Variants in ANK2 observed in about 807,000 individuals in gnomAD.
ANK2 encodes the protein ankyrin 2.
In ANK2, 83 loss-of-function variants were observed where a neutral mutation model predicts 360.5. That is an observed-to-expected ratio of 0.23 (90% CI 0.19 to 0.28). ANK2 has a LOEUF of 0.28. ANK2 is among the 10% of genes least tolerant of loss of function. ANK2 has a pLI of 1.00. For missense variants in ANK2, 4,201 were observed against 4,795.7 expected (o/e 0.88, Z 3.66); for synonymous variants, 1,740 against 1,759.5 (o/e 0.99, Z 0.28).
At chr4:112,750,108 C>T in the ANK2 span, among the ~76,000 whole-genome samples, 1 of 152,042 alleles carries the variant, frequency 6.6e-6, no homozygotes, top group South Asian at 2.1e-4. Flanking sequence ...GACAGGGTCT[C>T]TGCTGTCAGG....
chr4:113,300,234 C>G (rs1441386244), intron 22 of ANK2, among the ~76,000 whole-genome samples: 1 of 152,096 alleles, frequency 6.6e-6, no homozygotes, highest in African/African-American at 2.4e-5. Context: ...ATTTAAATAT[C>G]ACTAGAAATA....
intron 4 of ANK2, among the ~76,000 whole-genome samples, chr4:113,228,923 G>T (rs1009498509): frequency 6.6e-6 from 1 of 152,156 alleles, no homozygotes; most frequent in Non-Finnish European, 1.5e-5. Context: ...ATCCTGGAAT[G>T]CTTGGAGTTG....
At chr4:113,285,101 G>C (rs2063879899) in intron 18 of ANK2, among the ~76,000 whole-genome samples, 1 of 151,484 alleles carries the variant, frequency 6.6e-6, no homozygotes, top group East Asian at 1.9e-4. Flanking sequence ...TTTTTGAAAA[G>C]AACTTCAACA....
At chr4:112,775,794 A>G in the ANK2 span, among the ~76,000 whole-genome samples, 2 of 152,164 alleles carry the variant, frequency 1.3e-5, no homozygotes, top group Non-Finnish European at 2.9e-5. Context: ...AGAGCCAGGT[A>G]TATAGGTTTG....
chr4:113,038,686 G>T (rs546367856), intron 2 of ANK2, among the ~76,000 whole-genome samples: 22 of 152,206 alleles, frequency 1.4e-4, no homozygotes, highest in African/African-American at 5.3e-4. Flanking sequence ...ATATGGCAGA[G>T]CCCTTAATTG....
At chr4:113,003,683 T>G (rs972792432) in intron 2 of ANK2, among the ~76,000 whole-genome samples, 4 of 152,198 alleles carry the variant, frequency 2.6e-5, no homozygotes, top group African/African-American at 9.6e-5. Flanking sequence ...AGTGATCTTG[T>G]GTTACACCAC....
intron 1 of ANK2, among the ~76,000 whole-genome samples, chr4:113,142,383 TA>T (rs1460503374): frequency 1.3e-5 from 2 of 152,206 alleles, no homozygotes; most frequent in Non-Finnish European, 2.9e-5. Flanking sequence ...TATTTTTTAT[TA>T]GAAAGTATCT....
At chr4:112,836,752 A>C (rs1308037460) in intron 1 of ANK2, among the ~76,000 whole-genome samples, 1 of 152,218 alleles carries the variant, frequency 6.6e-6, no homozygotes, top group Admixed American at 6.5e-5. Context: ...GATTTAGGGT[A>C]TCTGGCAGAA....
intron 1 of ANK2, among the ~76,000 whole-genome samples, chr4:113,146,209 G>A (rs1286417766): frequency 2.0e-5 from 3 of 152,060 alleles, no homozygotes; most frequent in African/African-American, 4.8e-5. Flanking sequence ...GTTTTTTCTC[G>A]GTTGTCTTTA....
At chr4:113,195,180 T>C in intron 2 of ANK2, among the ~76,000 whole-genome samples, 1 of 152,148 alleles carries the variant, frequency 6.6e-6, no homozygotes, top group East Asian at 1.9e-4. Context: ...ATATCAAGAT[T>C]GTCTTTGTTC....
At chr4:113,239,514 T>C (rs2099408578) in intron 7 of ANK2, among the ~76,000 whole-genome samples, 1 of 152,162 alleles carries the variant, frequency 6.6e-6, no homozygotes, top group Admixed American at 6.5e-5. Context: ...TTTCTATTTT[T>C]CCCATAATCT....
chr4:113,342,029 G>A (rs2047004310), intron 33 of ANK2, 113 bp downstream of exon 33: 1 of 1,180,978 alleles, frequency 8.5e-7, no homozygotes, highest in African/African-American at 1.5e-5. Flanking sequence ...TGAAAGACAA[G>A]TTCGCATTTT....
chr4:113,143,220 T>C (rs2096705101), intron 1 of ANK2, among the ~76,000 whole-genome samples: 3 of 42,534 alleles, frequency 7.1e-5, no homozygotes. Flanking sequence ...AAAAAGATAT[T>C]AACACAAAAT....
At chr4:113,213,756 G>T (rs983545001) in intron 4 of ANK2, among the ~76,000 whole-genome samples, 1 of 152,122 alleles carries the variant, frequency 6.6e-6, no homozygotes, top group Non-Finnish European at 1.5e-5. Flanking sequence ...ATCCAACTAG[G>T]AATATCAGGT....
At chr4:113,174,084 A>G in intron 1 of ANK2, 1 of 267,862 alleles carries the variant, frequency 3.7e-6, no homozygotes, top group South Asian at 4.0e-5. Context: ...TGAAGCTAAA[A>G]TGAATGAGTA....
chr4:112,747,118 A>G, the ANK2 span, among the ~76,000 whole-genome samples: 3 of 152,236 alleles, frequency 2.0e-5, no homozygotes, highest in African/African-American at 7.2e-5. Flanking sequence ...TCCTAACAGC[A>G]TAAGTCATAA....
intron 2 of ANK2, among the ~76,000 whole-genome samples, chr4:113,176,741 A>G (rs6852886): frequency 6.6e-6 from 1 of 151,548 alleles, no homozygotes; most frequent in Non-Finnish European, 1.5e-5. Flanking sequence ...TAACTCGTCA[A>G]TTACATTAGG....
chr4:113,200,759 T>C (rs961577571), intron 4 of ANK2, among the ~76,000 whole-genome samples: 1 of 152,170 alleles, frequency 6.6e-6, no homozygotes, highest in Admixed American at 6.5e-5. Context: ...TCCATGACTT[T>C]GCTATTGTGA....
the ANK2 span, among the ~76,000 whole-genome samples, chr4:112,735,161 G>C: frequency 1.3e-3 from 195 of 152,188 alleles, no homozygotes; most frequent in Non-Finnish European, 2.2e-3. Flanking sequence ...GAGGTGGGTG[G>C]ATCCTTTGAG....
Sources: gnomAD v4.1 joint callset for allele counts (sites outside exome capture counted in the v4.1 genomes callset) on GRCh38, gnomAD v4.1.1 for gene constraint, MANE v1.5 for transcripts, NCBI Gene and HGNC (gene_info 2026-07-23, HGNC 2026-07-21) for gene names.